EDEM3: variants seen among roughly 807,000 people sequenced by gnomAD.
EDEM3 encodes the protein ER degradation-enhancing alpha-mannosidase-like protein 3.
Under a neutral mutation model 110.2 loss-of-function variants are expected in EDEM3, and 60 were observed. The observed-to-expected ratio is 0.54, with a 90% CI of 0.44 to 0.67. The LOEUF (loss-of-function observed/expected upper bound fraction) is 0.67, where lower values mean the gene tolerates loss of function less well. Ranked by LOEUF, EDEM3 falls within the 30% of genes least tolerant of loss-of-function variation. The pLI is 0.00. For synonymous variants in EDEM3, 352 were observed against 382.9 expected, an observed-to-expected ratio of 0.92 and a Z score of 0.94; for missense variants, 996 against 1,121.0, an observed-to-expected ratio of 0.89 and a Z score of 1.59.
intron 12 of EDEM3, 63 bp downstream of exon 12, chr1:184,717,477 G>T: frequency 1.5e-6 from 2 of 1,353,142 alleles, no homozygotes; most frequent in South Asian, 1.3e-5. Context: ...TATTATGAAA[G>T]AATGAGAGAT....
At chr1:184,715,152 A>T (rs1650475590) in intron 13 of EDEM3, among the ~76,000 whole-genome samples, 1 of 152,160 alleles carries the variant, frequency 6.6e-6, no homozygotes, top group Non-Finnish European at 1.5e-5. Context: ...TGCCAGACAC[A>T]TCTTGAGTAT....
At chr1:184,728,446 G>A (rs933983039) in intron 6 of EDEM3, among the ~76,000 whole-genome samples, 18 of 151,986 alleles carry the variant, frequency 1.2e-4, no homozygotes, top group Admixed American at 6.6e-4. Context: ...AATCATGAGC[G>A]TTTTAGTACA....
In EDEM3 at chr1:184,719,091, T is replaced by A. The variant is rs1172633037; in HGVS notation, c.1161+71A>T. The A allele has an allele frequency of 7.3e-6, 6 of 817,306 alleles. No individual in the cohort carries two copies. The East Asian group carries it at 1.3e-4, about 18-fold the overall frequency. 50.6% of individuals were successfully genotyped at this position (817,306 alleles called of 1,614,324 possible). On this transcript the variant is annotated intron_variant, in intron 11 of 19. Transcript: ENST00000318130. ...CTACCTTTATATTAGCAACTTATAG[T>A]GTATATGTGTACGTGTGTGTGTGTG...
chr1:184,734,566 G>A lies in EDEM3; in HGVS notation c.423C>T (p.Val141=), dbSNP rs752453480. ...LRDVNLDNDV[V]VSVFETNIRV... is the part of the protein sequence containing the mutation. ...TGATGTTTGTTTCAAAGACTGATAC[G>A]ACTACATCGTTATCTAAATTAACAT... is the stretch of plus-strand genomic sequence containing the variant. Residue 141 remains valine, a synonymous_variant, in exon 5 of 20, where the codon GTC becomes GTT. Coordinates refer to ENST00000318130, the MANE Select transcript of EDEM3 (RefSeq NM_025191.4). 1.1e-5 allele frequency: 17 copies of A among 1,547,284 alleles called. No individual in the cohort carries two copies. The highest frequency in any genetic ancestry group is 2.5e-5 in the South Asian group (2 of 79,422).
chr1:184,721,725 C>A (rs1409077597), intron 8 of EDEM3, among the ~76,000 whole-genome samples: 1 of 151,042 alleles, frequency 6.6e-6, no homozygotes, highest in Non-Finnish European at 1.5e-5. Context: ...GAAAAAAGAA[C>A]CAAAGTCAAG....
chr1:184,699,051 G>T (rs901365454), intron 19 of EDEM3, among the ~76,000 whole-genome samples: 12 of 151,748 alleles, frequency 7.9e-5, no homozygotes, highest in Non-Finnish European at 1.3e-4. Context: ...TTAAATTCAG[G>T]AATGGTACAT....
intron 13 of EDEM3, among the ~76,000 whole-genome samples, chr1:184,713,289 A>G (rs2102075758): frequency 6.6e-6 from 1 of 152,242 alleles, no homozygotes; most frequent in East Asian, 1.9e-4. Context: ...AAATAGTTAC[A>G]TGAAAAAAGT....
At chr1:184,736,253 A>C (rs1651816505) in intron 4 of EDEM3, among the ~76,000 whole-genome samples, 1 of 152,124 alleles carries the variant, frequency 6.6e-6, no homozygotes, top group Non-Finnish European at 1.5e-5. Context: ...TCGTTCTTAA[A>C]AAAAAAATAC....
chr1:184,693,156 T>C lies in EDEM3; in HGVS notation c.*907A>G, dbSNP rs1649138580. 6.4e-6 allele frequency: 1 copy of C among 155,132 alleles called. No homozygotes were observed. The highest frequency in any genetic ancestry group is 1.5e-5 in the Non-Finnish European group (1 of 68,272). The allele number at this position is 155,132 out of a possible 1,614,324, so 9.6% of individuals were successfully genotyped here. The stretch of plus-strand genomic sequence containing the variant: ...CAAACATGGGATGGAGTAAGGCTGA[T>C]GGCTAGAGGTAATCACCTCTAAGAG... On this transcript the variant is annotated 3_prime_UTR_variant, in exon 20 of 20. Transcript: ENST00000318130.
chr1:184,705,135 A>C (rs1333112575), intron 18 of EDEM3, among the ~76,000 whole-genome samples: 2 of 152,084 alleles, frequency 1.3e-5, no homozygotes, highest in African/African-American at 2.4e-5. Context: ...ATTAGACTTC[A>C]CTGAAAAATA....
At chr1:184,720,269 AT>A (rs34298571) in intron 9 of EDEM3, among the ~76,000 whole-genome samples, 9,070 of 149,838 alleles carry the variant, frequency 0.061, 792 homozygotes, top group African/African-American at 0.2. Flanking sequence ...ACTTTTACTA[AT>A]TTTTTTTTTG....
chr1:184,706,972 A>G (rs1439177812), intron 17 of EDEM3, among the ~76,000 whole-genome samples, 164 bp from the exon 18 acceptor site: 2 of 152,238 alleles, frequency 1.3e-5, no homozygotes, highest in Non-Finnish European at 2.9e-5. Context: ...AACATTTTGC[A>G]TATCACAGTA....
At chr1:184,730,582 C>G (rs1651456100) in intron 6 of EDEM3, among the ~76,000 whole-genome samples, 1 of 152,032 alleles carries the variant, frequency 6.6e-6, no homozygotes, top group African/African-American at 2.4e-5. Flanking sequence ...GGGAGACTAT[C>G]TCAAAACAAA....
intron 18 of EDEM3, among the ~76,000 whole-genome samples, chr1:184,705,245 C>T (rs942540058): frequency 5.9e-5 from 9 of 152,166 alleles, no homozygotes; most frequent in African/African-American, 2.2e-4. Context: ...TTGGTAAGAA[C>T]TGTTCAAAAT....
At chr1:184,732,775 A>C in intron 6 of EDEM3, 62 bp downstream of exon 6, 1 of 1,517,832 alleles carries the variant, frequency 6.6e-7, no homozygotes. Flanking sequence ...TGATCACAAA[A>C]CTTCATTTTG....
intron 19 of EDEM3, among the ~76,000 whole-genome samples, chr1:184,698,796 G>C (rs901302831): frequency 4.0e-5 from 6 of 151,844 alleles, no homozygotes; most frequent in Admixed American, 6.6e-5. Context: ...GAGACAGAGA[G>C]AGAGAGACAG....
At chr1:184,741,155 T>C (rs1652114738) in intron 2 of EDEM3, among the ~76,000 whole-genome samples, 1 of 152,142 alleles carries the variant, frequency 6.6e-6, no homozygotes, top group African/African-American at 2.4e-5. Flanking sequence ...CCCAGCACTT[T>C]GGGAGGCCAA....
chr1:184,714,066 A>C (rs1216854263), intron 13 of EDEM3, among the ~76,000 whole-genome samples: 1 of 152,256 alleles, frequency 6.6e-6, no homozygotes, highest in African/African-American at 2.4e-5. Flanking sequence ...CACTTATCAT[A>C]ATTCAACCTT....
intron 2 of EDEM3, among the ~76,000 whole-genome samples, chr1:184,744,249 AATATAT>A (rs55959890): frequency 0.02 from 1,728 of 87,464 alleles, 18 homozygotes; most frequent in South Asian, 0.032. Context: ...ACAAATGACA[AATATAT>A]ATATATATAT....
Sources: allele counts gnomAD v4.1 joint callset (sites outside exome capture counted in the v4.1 genomes callset), GRCh38; gene constraint gnomAD v4.1.1; transcripts MANE v1.5; gene names NCBI Gene and HGNC (gene_info 2026-07-23, HGNC 2026-07-21).